FAM3A: variants seen among roughly 807,000 people sequenced by gnomAD.
FAM3A encodes the protein FAM3 metabolism regulating signaling molecule A.
A neutral mutation model predicts 18.1 loss-of-function variants in FAM3A; 5 were observed. The observed-to-expected ratio is 0.28, with a 90% CI of 0.14 to 0.58. FAM3A has a LOEUF of 0.58. Ranked by LOEUF, FAM3A falls within the 20% of genes least tolerant of loss-of-function variation. FAM3A has a pLI of 0.91. For synonymous variants in FAM3A, 108 were observed against 90.2 expected, an observed-to-expected ratio of 1.20 and a Z score of -1.12; for missense variants, 154 against 216.6, an observed-to-expected ratio of 0.71 and a Z score of 1.81.
chrX:154,506,914 G>C lies in FAM3A; in HGVS notation c.598-8C>G, dbSNP rs782644277. On this transcript the variant is annotated splice_region_variant and splice_polypyrimidine_tract_variant and intron_variant, in intron 8 of 8. Transcript: ENST00000447601. ...CTTACTGTTCTTCACGTGCTGTGGG[G>C]AGGGGAGCAGAAAGTCATGACTTTG... The C allele has an allele frequency of 8.4e-7, 1 of 1,195,044 alleles. No individual in the cohort carries two copies. Among genetic ancestry groups the C allele is most frequent in the Admixed American group, 2.2e-5 (1 of 45,543 alleles).
At position 154,507,349 on chromosome X, in the gene FAM3A, G is replaced by A. The variant is rs1557219382; in HGVS notation, c.471-20C>T. ...TTCATCCTGCAGCATGGGAGGAAGGGGTGTCAGCTGTTGCTGCAGAAGGGC... is the reference window on the plus strand; with the variant it reads ...TTCATCCTGCAGCATGGGAGGAAGGAGTGTCAGCTGTTGCTGCAGAAGGGC... On this transcript the variant is annotated intron_variant, in intron 7 of 8. Transcript: ENST00000447601. The A allele has an allele frequency of 1.7e-6, 2 of 1,211,761 alleles. No homozygotes were observed. Among genetic ancestry groups the A allele is most frequent in the South Asian group, 3.5e-5 (2 of 57,009 alleles).
At chrX:154,510,478 A>T (rs1418256778) in intron 3 of FAM3A, 2 of 96,577 alleles carry the variant, frequency 2.1e-5, no homozygotes, top group African/African-American at 7.4e-5. Flanking sequence ...GTGCACGGGG[A>T]TGATACCACT....
rs2069636172 is a variant in FAM3A at position 154,507,792 on chromosome X, A to ACGCTG, written c.385+14_385+18dup. ...CATTTTGCTGCAGTCAAAATGCAAGACGCTGCGCTGCAACTCACCTCCGGC... is the reference window on the plus strand; with the variant it reads ...CATTTTGCTGCAGTCAAAATGCAAGACGCTGCGCTGCGCTGCAACTCACCTCCGGC... On this transcript the variant is annotated intron_variant, in intron 6 of 8. Coordinates refer to ENST00000447601, the MANE Select transcript of FAM3A (RefSeq NM_021806.4). The ACGCTG allele has an allele frequency of 8.5e-7, 1 of 1,176,517 alleles. No homozygotes were observed. The highest frequency in any genetic ancestry group is 1.8e-5 in the African/African-American group (1 of 56,665).
intron 8 of FAM3A, 74 bp downstream of exon 8, chrX:154,507,129 G>C (rs1239960100): frequency 7.9e-6 from 9 of 1,137,106 alleles, no homozygotes; most frequent in Non-Finnish European, 8.2e-6. Flanking sequence ...TGAGCAGCTG[G>C]GGAGGCTCGT....
At position 154,506,691 on chromosome X, in the gene FAM3A, T is replaced by C. The variant is rs1408067225; in HGVS notation, c.*120A>G. ...GTCACTGCCTCGGAGCCCCGATGTG[T>C]TGGGGCCAGGGAGCGCTCCTGCCCG... On this transcript the variant is annotated 3_prime_UTR_variant, in exon 9 of 9. Transcript: ENST00000447601. 5.6e-6 allele frequency: 3 copies of C among 539,168 alleles called. No homozygotes were observed. Among genetic ancestry groups the C allele is most frequent in the Non-Finnish European group, 9.3e-6 (3 of 323,616 alleles). The allele number at this position is 539,168 out of a possible 1,213,427, so 44.4% of individuals were successfully genotyped here. A position where few individuals can be genotyped will look rare whatever the true frequency, so the allele number is the denominator to read the frequency against.
In FAM3A at chrX:154,507,434, C is replaced by T; in HGVS notation, c.442G>A (p.Val148Met). The T allele has an allele frequency of 1.7e-6, 2 of 1,211,614 alleles. No homozygotes were observed. The highest frequency in any genetic ancestry group is 1.8e-5 in the South Asian group (1 of 57,002). ...RPLHEGTLVF[V>M]ASYDDPATKM... is the part of the protein sequence containing the mutation. The stretch of plus-strand genomic sequence containing the variant: ...GTGGCTGGGTCGTCGTAGGATGCCA[C>T]GAACACCAGGGTGCCTTCGTGCAGT... The change falls in exon 7 of 9, where the codon GTG (valine) becomes ATG (methionine). Residue 148 changes from valine to methionine, a missense_variant. By Grantham distance (21) the Val-to-Met change is conservative. Coordinates refer to ENST00000447601, the MANE Select transcript of FAM3A (RefSeq NM_021806.4).
rs1033327965 is a variant in FAM3A at position 154,506,676 on chromosome X, C to T, written c.*135G>A. 9.2e-5 allele frequency: 46 copies of T among 497,375 alleles called. No individual in the cohort carries two copies. The highest frequency in any genetic ancestry group is 1.4e-4 in the African/African-American group (6 of 42,836). The allele number at this position is 497,375 out of a possible 1,213,427, so 41.0% of individuals were successfully genotyped here. On this transcript the variant is annotated 3_prime_UTR_variant, in exon 9 of 9. Transcript: ENST00000447601. ...TGAGACCACGTTCTGGTCACTGCCT[C>T]GGAGCCCCGATGTGTTGGGGCCAGG...
chrX:154,507,623 G>A (rs1603402480), intron 6 of FAM3A, 133 bp from the exon 7 acceptor site: 1 of 839,685 alleles, frequency 1.2e-6, no homozygotes, highest in Non-Finnish European at 1.7e-6. Flanking sequence ...ACAGGCTGGT[G>A]TAGGAAGCTG....
At chrX:154,507,010 G>A (rs1199703454) in intron 8 of FAM3A, 104 bp from the exon 9 acceptor site, 50 of 895,825 alleles carry the variant, frequency 5.6e-5, no homozygotes, top group Middle Eastern at 2.7e-4. Flanking sequence ...GTTGGCCAAC[G>A]GTGTACTCTC....
rs1557218411 is a variant in FAM3A at position 154,506,762 on chromosome X, TGCCTCCCTTGGTCTG to T, written c.*34_*48del. On this transcript the variant is annotated 3_prime_UTR_variant, in exon 9 of 9. Transcript: ENST00000447601. Reference sequence around the variant, plus strand: ...GCCTCTGTCCGCCCGGCAGCGCGCGTGCCTCCCTTGGTCTGGCCTCCCTCGGCCCGGTCCTGGCAC... The same window carrying T: ...GCCTCTGTCCGCCCGGCAGCGCGCGTGCCTCCCTCGGCCCGGTCCTGGCAC... 9.3e-7 allele frequency: 1 copy of T among 1,072,815 alleles called. No homozygotes were observed. The highest frequency in any genetic ancestry group is 2.2e-5 in the Admixed American group (1 of 45,329). The allele number at this position is 1,072,815 out of a possible 1,213,427, so 88.4% of individuals were successfully genotyped here. A position where few individuals can be genotyped will look rare whatever the true frequency, so the allele number is the denominator to read the frequency against.
At chrX:154,513,626 C>T (rs782215376) in intron 1 of FAM3A, among the ~76,000 whole-genome samples, 9 of 110,013 alleles carry the variant, frequency 8.2e-5, no homozygotes, top group Non-Finnish European at 1.3e-4. Context: ...GAGACTCTGC[C>T]TCAAAACAAA....
intron 8 of FAM3A, 124 bp downstream of exon 8, chrX:154,507,079 C>T: frequency 1.0e-6 from 1 of 993,476 alleles, no homozygotes; most frequent in South Asian, 2.2e-5. Context: ...CACTGGCCCA[C>T]CCCTCATAGC....
chrX:154,507,499 G>T lies in FAM3A; in HGVS notation c.386-9C>A, dbSNP rs781994684. ...CAACAGGTCGTTGACATCTGGGGGG[G>T]CAGGTGCCACGGAACAGGGGTCATC... On this transcript the variant is annotated splice_polypyrimidine_tract_variant and intron_variant, in intron 6 of 8. Coordinates refer to ENST00000447601, the MANE Select transcript of FAM3A (RefSeq NM_021806.4). 52 of 1,204,278 alleles carry T rather than the reference G, an allele frequency of 4.3e-5. No individual in the cohort carries two copies. In the East Asian group the frequency reaches 1.2e-3, roughly 27 times the overall value.
chrX:154,511,981 G>T (rs2069900243), intron 2 of FAM3A, 110 bp from the exon 3 acceptor site: 2 of 700,868 alleles, frequency 2.9e-6, no homozygotes. Context: ...CAGGCTCAGG[G>T]GCCGGGGGCT....
In FAM3A at chrX:154,507,824, G is replaced by A. The variant is rs782251370; in HGVS notation, c.372C>T (p.Asp124=). 2 of 1,192,447 alleles carry A rather than the reference G, an allele frequency of 1.7e-6. No individual in the cohort carries two copies. Among genetic ancestry groups the A allele is most frequent in the East Asian group, 3.0e-5 (1 of 33,055 alleles). Residue 124 remains aspartate, a synonymous_variant, in exon 6 of 9, where the codon GAC becomes GAT. Transcript: ENST00000447601. ...GCTGCAACTCACCTCCGGCCCACATGTCAAAGGCCCGGGCCTCGATGAGCT... is the reference window on the plus strand; with the variant it reads ...GCTGCAACTCACCTCCGGCCCACATATCAAAGGCCCGGGCCTCGATGAGCT... ...SGELIEARAF[D]MWAGDVNDLL... is the part of the protein sequence containing the mutation.
intron 1 of FAM3A, among the ~76,000 whole-genome samples, chrX:154,513,362 T>C (rs1389380416): frequency 8.9e-6 from 1 of 111,889 alleles, no homozygotes; most frequent in Non-Finnish European, 1.9e-5. Flanking sequence ...CCGGGCGCAG[T>C]GGCTCACGCC....
At position 154,507,302 on chromosome X, in the gene FAM3A, G is replaced by A. The variant is rs782066153; in HGVS notation, c.498C>T (p.Phe166=). 1 of 1,211,819 alleles carries A rather than the reference G, an allele frequency of 8.3e-7. No individual in the cohort carries two copies. Among genetic ancestry groups the A allele is most frequent in the Admixed American group, 2.2e-5 (1 of 46,074 alleles). Residue 166 remains phenylalanine (F), a synonymous_variant, in exon 8 of 9, where the codon TTC becomes TTT. Transcript: ENST00000447601. ...TKMNEETRKL[F]SELGSRNAKE... ...TGGCGTTCCTGCTGCCCAGCTCACT[G>A]AAGAGCTTTCTGGTCTCTTCATTCA...
Position 154,512,004 on chromosome X carries a change from C to G in FAM3A, c.128-133G>C, listed in dbSNP as rs2069902277. On this transcript the variant is annotated intron_variant, in intron 2 of 8. Coordinates refer to ENST00000447601, the MANE Select transcript of FAM3A (RefSeq NM_021806.4). ...GGGGCCGGGGGCTAAGCCAGGCCGA[C>G]CTTGGCATGCTTCCTGCTCAAGTGT... The G allele has an allele frequency of 5.9e-6, 3 of 505,844 alleles. No homozygotes were observed. The Admixed American group carries it at 9.6e-5, about 16-fold the overall frequency. The allele number at this position is 505,844 out of a possible 1,213,427, so 41.7% of individuals were successfully genotyped here. A position where few individuals can be genotyped will look rare whatever the true frequency, so the allele number is the denominator to read the frequency against.
At position 154,512,832 on chromosome X, in the gene FAM3A, G is replaced by A; in HGVS notation, c.118C>T (p.Leu40Phe). 8.3e-7 allele frequency: 1 copy of A among 1,204,460 alleles called. No individual in the cohort carries two copies. Among genetic ancestry groups the A allele is most frequent in the Non-Finnish European group, 1.1e-6 (1 of 888,729 alleles). ...PGSGFPRIQQ[L>F]FTSPESSVTA... is the part of the protein sequence containing the mutation. ...GGGGTCCCACACTCACTGGTGAAGA[G>A]TTGCTGGATGCGAGGAAAGCCACTG... The change falls in exon 2 of 9, where the codon CTC becomes TTC. Residue 40 changes from leucine (L) to phenylalanine (F), a missense_variant. Physicochemically the swap from Leu to Phe is conservative, Grantham distance 22. Transcript: ENST00000447601.
Sources: allele counts gnomAD v4.1 joint callset (sites outside exome capture counted in the v4.1 genomes callset), GRCh38; gene constraint gnomAD v4.1.1; transcripts MANE v1.5; gene names NCBI Gene and HGNC (gene_info 2026-07-23, HGNC 2026-07-21).